Variants in PRR14L observed in about 807,000 individuals in gnomAD.
The protein encoded by PRR14L is proline rich 14 like.
In PRR14L, 80 loss-of-function variants were observed where a neutral mutation model predicts 155.0. The ratio of observed to expected loss-of-function variants is 0.52; its 90% CI spans 0.43 to 0.62. The LOEUF (loss-of-function observed/expected upper bound fraction) is 0.62, where lower values mean the gene tolerates loss of function less well. Ranked by LOEUF, PRR14L falls within the 20% of genes least tolerant of loss-of-function variation. PRR14L has a pLI of 0.00. For synonymous variants in PRR14L, 883 were observed against 916.0 expected (o/e 0.96, Z 0.65); for missense variants, 2,469 against 2,548.0 (o/e 0.97, Z 0.67).
chr22:31,713,623 T>C lies in PRR14L; in HGVS notation c.4216A>G (p.Ile1406Val), dbSNP rs967791904. 20 of 1,551,838 alleles carry C rather than the reference T, an allele frequency of 1.3e-5. No individual in the cohort carries two copies. Among genetic ancestry groups the C allele is most frequent in the Non-Finnish European group, 1.7e-5 (19 of 1,147,064 alleles). The change falls in exon 4 of 9, where the codon ATA (isoleucine) becomes GTA (valine). Residue 1406 changes from isoleucine to valine, a missense_variant. Transcript: ENST00000327423. Reference protein sequence around the residue: ...DYMLQKEEKYIRQQKAHTISQ... With the variant: ...DYMLQKEEKYVRQQKAHTISQ... ...ATCGTATGTGCTTTTTGTTGACGTATATATTTCTCTTCTTTCTGCAACATG... is the reference window on the plus strand; with the variant it reads ...ATCGTATGTGCTTTTTGTTGACGTACATATTTCTCTTCTTTCTGCAACATG...
chr22:31,697,203 G>A (rs1419343567), intron 7 of PRR14L, among the ~76,000 whole-genome samples: 2 of 151,266 alleles, frequency 1.3e-5, no homozygotes, highest in Non-Finnish European at 2.9e-5. Flanking sequence ...TCGGGAGGCT[G>A]AGCCACGAGA....
At position 31,712,048 on chromosome 22, in the gene PRR14L, T is replaced by C. The variant is rs777258638; in HGVS notation, c.5756+35A>G. The stretch of plus-strand genomic sequence containing the variant: ...TCTCCCCAGAGACAGGAAGCAAATA[T>C]GGGACATTTGTAAAGAACAGGGGAC... On this transcript the variant is annotated intron_variant, in intron 4 of 8. Transcript: ENST00000327423. 2.6e-6 allele frequency: 4 copies of C among 1,551,702 alleles called. No homozygotes were observed. The East Asian group carries it at 9.0e-5, about 35-fold the overall frequency.
At chr22:31,694,234 G>A (rs747524508) in intron 7 of PRR14L, among the ~76,000 whole-genome samples, 30 of 152,212 alleles carry the variant, frequency 2.0e-4, no homozygotes, top group Non-Finnish European at 3.7e-4. Flanking sequence ...CCAAGATCGT[G>A]CCACTGCACT....
chr22:31,688,412 G>A (rs1421867856), intron 7 of PRR14L, among the ~76,000 whole-genome samples, 185 bp from the exon 8 acceptor site: 2 of 150,896 alleles, frequency 1.3e-5, no homozygotes, highest in Non-Finnish European at 2.9e-5. Flanking sequence ...GTGCCACCAT[G>A]CCAGGCTAGA....
chr22:31,690,123 G>A, intron 7 of PRR14L, among the ~76,000 whole-genome samples: 1 of 152,128 alleles, frequency 6.6e-6, no homozygotes, highest in East Asian at 1.9e-4. Flanking sequence ...CACCACATTG[G>A]CCAGACTGGT....
chr22:31,708,800 A>G (rs1483479015), intron 4 of PRR14L, among the ~76,000 whole-genome samples: 1 of 151,792 alleles, frequency 6.6e-6, no homozygotes, highest in East Asian at 1.9e-4. Context: ...TAATTTTTGT[A>G]TTTTTAGTAG....
At chr22:31,688,443 C>T (rs1476927065) in intron 7 of PRR14L, among the ~76,000 whole-genome samples, 1 of 151,904 alleles carries the variant, frequency 6.6e-6, no homozygotes, top group African/African-American at 2.4e-5. Flanking sequence ...AAAAATTAGG[C>T]ATGAGCTACT....
At chr22:31,742,677 C>T (rs1205769451) in intron 1 of PRR14L, among the ~76,000 whole-genome samples, 1 of 152,074 alleles carries the variant, frequency 6.6e-6, no homozygotes, top group Non-Finnish European at 1.5e-5. Context: ...TAAAACTCTT[C>T]CTTTAAGCAC....
At chr22:31,741,672 G>C (rs2074813828) in intron 1 of PRR14L, among the ~76,000 whole-genome samples, 1 of 152,032 alleles carries the variant, frequency 6.6e-6, no homozygotes, top group East Asian at 1.9e-4. Context: ...AGGAGTTAGA[G>C]ACCAACCTGG....
Position 31,685,756 on chromosome 22 carries a change from A to C in PRR14L, c.6227T>G (p.Leu2076Arg). ...CCTCTTCTGTTGGCTGATTGAGATTAGTGTACCATTTCGTTCCTTGGGTTC... is the reference window on the plus strand; with the variant it reads ...CCTCTTCTGTTGGCTGATTGAGATTCGTGTACCATTTCGTTCCTTGGGTTC... The part of the protein sequence containing the change: ...FEEPKERNGT[L>R]ISISQQKRKR... The change falls in exon 9 of 9, where the codon CTA becomes CGA. Residue 2076 changes from leucine to arginine, a missense_variant. Physicochemically the swap from Leu to Arg is moderately radical, Grantham distance 102. This residue lies in a region of PRR14L where 106 missense variants were observed against 176.4 expected (regional missense o/e 0.60). Transcript: ENST00000327423. 6.4e-7 allele frequency: 1 copy of C among 1,551,638 alleles called. No individual in the cohort carries two copies. Among genetic ancestry groups the C allele is most frequent in the Non-Finnish European group, 8.7e-7 (1 of 1,146,956 alleles).
At position 31,743,122 on chromosome 22, in the gene PRR14L, G is replaced by T. The variant is rs980915995; in HGVS notation, c.-51-4211C>A. On this transcript the variant is annotated intron_variant, in intron 1 of 8. Coordinates refer to ENST00000327423, the MANE Select transcript of PRR14L (RefSeq NM_173566.3). Reference sequence around the variant, plus strand: ...TCGAGACCATCCTGGGTAACACGGTGACACCCCGTCTCTACTAAAAATACA... The same window carrying T: ...TCGAGACCATCCTGGGTAACACGGTTACACCCCGTCTCTACTAAAAATACA... Among the ~76,000 whole-genome samples the T allele has an allele frequency of 2.0e-5, 3 of 152,132 alleles. No individual in the cohort carries two copies. In the South Asian group the frequency reaches 6.2e-4, roughly 32 times the overall value.
chr22:31,691,448 T>C (rs1439817008), intron 7 of PRR14L, among the ~76,000 whole-genome samples: 1 of 152,124 alleles, frequency 6.6e-6, no homozygotes, highest in African/African-American at 2.4e-5. Context: ...ATCAGACTCC[T>C]GGGCTCAAGT....
At chr22:31,741,350 T>A (rs1002105035) in intron 1 of PRR14L, among the ~76,000 whole-genome samples, 6 of 149,438 alleles carry the variant, frequency 4.0e-5, no homozygotes, top group African/African-American at 1.2e-4. Flanking sequence ...TAATCCCAGC[T>A]ACTCGGGAGG....
In PRR14L at chr22:31,685,410, G is replaced by T; in HGVS notation, c.*117C>A. 8.4e-6 allele frequency: 7 copies of T among 832,814 alleles called. No individual in the cohort carries two copies. Among genetic ancestry groups the T allele is most frequent in the African/African-American group, 1.7e-5 (1 of 57,468 alleles). 51.6% of individuals were successfully genotyped at this position (832,814 alleles called of 1,614,324 possible). On this transcript the variant is annotated 3_prime_UTR_variant, in exon 9 of 9. Transcript: ENST00000327423. Reference sequence around the variant, plus strand: ...TGGACTGTGCATTTTTGAGTGGTTTGGCGGTAGGGCAAAATTAGGCAACCT... The same window carrying T: ...TGGACTGTGCATTTTTGAGTGGTTTTGCGGTAGGGCAAAATTAGGCAACCT...
At chr22:31,743,859 A>C (rs959717007) in intron 1 of PRR14L, among the ~76,000 whole-genome samples, 3 of 151,688 alleles carry the variant, frequency 2.0e-5, no homozygotes, top group African/African-American at 7.3e-5. Context: ...TTCCTAACCT[A>C]CATTTCACTT....
Position 31,712,694 on chromosome 22 carries a change from T to C in PRR14L, c.5145A>G (p.Glu1715=). Residue 1715 remains glutamate, a synonymous_variant, in exon 4 of 9, where the codon GAA becomes GAG. Coordinates refer to ENST00000327423, the MANE Select transcript of PRR14L (RefSeq NM_173566.3). Reference sequence around the variant, plus strand: ...TCACATGAAAGGATACTGGGAAGATTTCAGAACCAAACAGCAGGGACGGCA... The same window carrying C: ...TCACATGAAAGGATACTGGGAAGATCTCAGAACCAAACAGCAGGGACGGCA... ...NKMPSLLFGS[E]IFPVSFHVKS... 1 of 1,551,690 alleles carries C rather than the reference T, an allele frequency of 6.4e-7. No individual in the cohort carries two copies. The highest frequency in any genetic ancestry group is 1.2e-5 in the South Asian group (1 of 84,066).
chr22:31,693,337 G>A (rs2074520318), intron 7 of PRR14L, among the ~76,000 whole-genome samples: 2 of 152,110 alleles, frequency 1.3e-5, no homozygotes, highest in South Asian at 2.1e-4. Context: ...CATACAGTAC[G>A]TAGTTTATTC....
chr22:31,708,210 T>C (rs117989687), intron 4 of PRR14L, among the ~76,000 whole-genome samples: 3,932 of 152,292 alleles, frequency 0.026, 72 homozygotes, highest in Middle Eastern at 0.054. Context: ...GCAATTCATC[T>C]TTCAATTCTA....
intron 4 of PRR14L, among the ~76,000 whole-genome samples, chr22:31,708,168 A>C (rs1472291028): frequency 6.6e-6 from 1 of 152,006 alleles, no homozygotes; most frequent in Non-Finnish European, 1.5e-5. Flanking sequence ...AAAACAACAA[A>C]AACAAAAACT....
Sources: gnomAD v4.1 joint callset for allele counts (sites outside exome capture counted in the v4.1 genomes callset) on GRCh38, gnomAD v4.1.1 for gene constraint, gnomAD v4.1.1 regional missense constraint, MANE v1.5 for transcripts, NCBI Gene and HGNC (gene_info 2026-07-23, HGNC 2026-07-21) for gene names.